Variants in SORBS2 observed in about 807,000 individuals in gnomAD.
SORBS2 encodes the protein sorbin and SH3 domain-containing protein 2.
A neutral mutation model predicts 97.7 loss-of-function variants in SORBS2; 46 were observed. The observed-to-expected ratio is 0.47, with a 90% confidence interval of 0.37 to 0.60. The LOEUF is 0.60. SORBS2 is among the 20% of genes least tolerant of loss of function. The pLI is 0.00. For missense variants in SORBS2, 1,316 were observed against 1,282.3 expected, an observed-to-expected ratio of 1.03 and a Z score of -0.40; for synonymous variants, 476 against 473.4, an observed-to-expected ratio of 1.01 and a Z score of -0.07.
chr4:185,875,205 T>C (rs1023274707), intron 1 of SORBS2, among the ~76,000 whole-genome samples: 4 of 152,186 alleles, frequency 2.6e-5, no homozygotes, highest in African/African-American at 9.6e-5. Flanking sequence ...ACATAGTAAA[T>C]ATAGTTAATA....
At chr4:185,630,449 G>A (rs896864980) in intron 5 of SORBS2, 100 bp downstream of exon 17, 3 of 584,806 alleles carry the variant, frequency 5.1e-6, no homozygotes, top group Non-Finnish European at 8.7e-6. Context: ...ATAAAAATGA[G>A]TGATACATGA....
chr4:185,645,097 C>T (rs2097186302), intron 4 of SORBS2, among the ~76,000 whole-genome samples: 1 of 152,164 alleles, frequency 6.6e-6, no homozygotes, highest in African/African-American at 2.4e-5. Flanking sequence ...ATAATAGAAA[C>T]ATCGTGGTGG....
At chr4:185,881,011 G>A (rs1199415732) in intron 1 of SORBS2, among the ~76,000 whole-genome samples, 1 of 151,760 alleles carries the variant, frequency 6.6e-6, no homozygotes, top group African/African-American at 2.4e-5. Context: ...AAGGAAGGAA[G>A]GATGATACAG....
chr4:185,808,825 A>G (rs1420421568), intron 1 of SORBS2, among the ~76,000 whole-genome samples: 1 of 152,210 alleles, frequency 6.6e-6, no homozygotes, highest in Non-Finnish European at 1.5e-5. Flanking sequence ...ATCATCATCA[A>G]CTCAACATTA....
intron 1 of SORBS2, among the ~76,000 whole-genome samples, chr4:185,915,044 T>C (rs1332247931): frequency 2.0e-5 from 3 of 152,192 alleles, no homozygotes; most frequent in Non-Finnish European, 1.5e-5. Context: ...TAAAGACTAA[T>C]GTGAAGGACT....
chr4:185,731,858 CTCTCTCTCTATATA>C (rs1434022652), intron 2 of SORBS2, among the ~76,000 whole-genome samples: 12 of 36,078 alleles, frequency 3.3e-4, no homozygotes, highest in South Asian at 1.1e-3. Context: ...CTCTCTCTCT[CTCTCTCTCTATATA>C]TATATATATA....
chr4:185,691,823 C>G (rs1357189841), intron 2 of SORBS2, among the ~76,000 whole-genome samples: 1 of 152,072 alleles, frequency 6.6e-6, no homozygotes, highest in East Asian at 1.9e-4. Context: ...CGGCTCACTG[C>G]AAGCTCTGCC....
chr4:185,794,994 C>T (rs2099098186), intron 1 of SORBS2, among the ~76,000 whole-genome samples: 1 of 152,128 alleles, frequency 6.6e-6, no homozygotes, highest in East Asian at 1.9e-4. Flanking sequence ...GTGTTTGATT[C>T]ACAGTAGGCA....
At chr4:185,774,016 A>G (rs2098987268) in intron 2 of SORBS2, 1 of 143,012 alleles carries the variant, frequency 7.0e-6, no homozygotes, top group African/African-American at 2.6e-5. Context: ...CGTTTTTGTT[A>G]CTCAGACGAT....
rs2096743104 is a variant in SORBS2 at position 185,623,020 on chromosome 4, T to G, written c.2109A>C (p.Pro703=). The change falls in exon 7 of 15, where the codon CCA becomes CCC. Residue 703 remains proline (P), a synonymous_variant. Transcript: ENST00000418609. The surrounding 1 kb of genome is among the most constrained non-coding windows in gnomAD (Gnocchi z 6.4). ...TTCTCCCGCAGTCATTCTGGTAGGGTGGACAATGAATAGCACCATCGGGAG... is the reference window on the plus strand; with the variant it reads ...TTCTCCCGCAGTCATTCTGGTAGGGGGGACAATGAATAGCACCATCGGGAG... 1 of 1,614,052 alleles carries G rather than the reference T, an allele frequency of 6.2e-7. No homozygotes were observed. Among genetic ancestry groups the G allele is most frequent in the Non-Finnish European group, 8.5e-7 (1 of 1,180,006 alleles).
chr4:185,792,847 T>C (rs1220012560), intron 1 of SORBS2, among the ~76,000 whole-genome samples: 1 of 152,182 alleles, frequency 6.6e-6, no homozygotes, highest in African/African-American at 2.4e-5. Context: ...AGAAAACTGT[T>C]GACAGTGCAG....
chr4:185,932,203 C>T (rs1050579324), intron 1 of SORBS2, among the ~76,000 whole-genome samples: 2 of 151,384 alleles, frequency 1.3e-5, no homozygotes, highest in Non-Finnish European at 2.9e-5. Flanking sequence ...GCAATGCTTG[C>T]GGGATTAGGA....
At chr4:185,760,330 G>A (rs750563541) in intron 2 of SORBS2, among the ~76,000 whole-genome samples, 11 of 152,210 alleles carry the variant, frequency 7.2e-5, no homozygotes, top group Non-Finnish European at 1.3e-4. Context: ...GGGAGGCTGA[G>A]GCAGGTGGAT....
intron 1 of SORBS2, among the ~76,000 whole-genome samples, chr4:185,783,111 G>GTGCTAGGAAAGTGTCCT (rs1439837021): frequency 6.6e-6 from 1 of 152,182 alleles, no homozygotes; most frequent in African/African-American, 2.4e-5. Context: ...AATACACACC[G>GTGCTAGGAAAGTGTCCT]TGCTAGGAAA....
intron 1 of SORBS2, among the ~76,000 whole-genome samples, chr4:185,780,007 ATTTTTT>A (rs538693770): frequency 8.2e-5 from 8 of 98,112 alleles, no homozygotes; most frequent in East Asian, 3.7e-4. Flanking sequence ...GTAGAGTAAC[ATTTTTT>A]TTTTTTTTTT....
At chr4:185,655,318 C>T (rs749026546) in intron 1 of SORBS2, among the ~76,000 whole-genome samples, 2 of 152,212 alleles carry the variant, frequency 1.3e-5, no homozygotes, top group African/African-American at 4.8e-5. Flanking sequence ...GTGACAGTAC[C>T]GCCTTTGGCA....
intron 1 of SORBS2, among the ~76,000 whole-genome samples, chr4:185,781,747 G>A (rs938728978): frequency 2.1e-4 from 32 of 152,208 alleles, no homozygotes; most frequent in African/African-American, 6.0e-4. Context: ...CCTCATCCAG[G>A]GCCCTGGCTT....
At chr4:185,785,818 T>G (rs1450670927) in intron 1 of SORBS2, among the ~76,000 whole-genome samples, 1 of 152,236 alleles carries the variant, frequency 6.6e-6, no homozygotes, top group African/African-American at 2.4e-5. Flanking sequence ...AAGTTTCTGG[T>G]ACTTCCTCGA....
chr4:185,877,867 C>CAAAAAAAAAAAAAAAAAA (rs1491116547), intron 1 of SORBS2, among the ~76,000 whole-genome samples: 12 of 50,436 alleles, frequency 2.4e-4, no homozygotes, highest in Non-Finnish European at 3.4e-4. Flanking sequence ...GAGACTCTGT[C>CAAAAAAAAAAAAAAAAAA]AAAAAACAAA....
Sources: gnomAD v4.1 joint callset for allele counts (sites outside exome capture counted in the v4.1 genomes callset) on GRCh38, gnomAD v4.1.1 for gene constraint, Gnocchi (gnomAD v3.1) non-coding constraint, MANE v1.5 for transcripts, NCBI Gene and HGNC (gene_info 2026-07-23, HGNC 2026-07-21) for gene names.